The following CRACD variants were observed in gnomAD, a reference collection of about 807,000 sequenced individuals.
CRACD encodes the protein capping protein inhibiting regulator of actin dynamics.
In CRACD, 56 loss-of-function variants were observed where a neutral mutation model predicts 106.8. The ratio of observed to expected loss-of-function variants is 0.52; its 90% confidence interval spans 0.42 to 0.66. The LOEUF (loss-of-function observed/expected upper bound fraction) is 0.66. Among genes scored for constraint, CRACD ranks in the 30% least tolerant of loss-of-function variants. The pLI is 0.00. For synonymous variants in CRACD, 754 were observed against 670.8 expected, an observed-to-expected ratio of 1.12 and a Z score of -1.92; for missense variants, 1,730 against 1,623.2, an observed-to-expected ratio of 1.07 and a Z score of -1.13.
At chr4:56,180,656 A>G (rs1227374466) in intron 2 of CRACD, among the ~76,000 whole-genome samples, 1 of 152,220 alleles carries the variant, frequency 6.6e-6, no homozygotes, top group Non-Finnish European at 1.5e-5. Context: ...CTACCTATCA[A>G]CAGTGACCTA....
chr4:56,327,988 C>T lies in CRACD; in HGVS notation c.*184C>T, dbSNP rs1050875006. 1 of 560,712 alleles carries T rather than the reference C, an allele frequency of 1.8e-6. No homozygotes were observed. The highest frequency in any genetic ancestry group is 3.3e-5 in the Admixed American group (1 of 30,266). 34.7% of individuals were successfully genotyped at this position (560,712 alleles called of 1,614,324 possible). On this transcript the variant is annotated 3_prime_UTR_variant, in exon 11 of 11. Transcript: ENST00000682029. ...TTGTAAAGAGTGGATTTGCACAACCCTAGGTCCTGGTGCCTCGAGCTCCTC... is the reference window on the plus strand; with the variant it reads ...TTGTAAAGAGTGGATTTGCACAACCTTAGGTCCTGGTGCCTCGAGCTCCTC...
intron 2 of CRACD, among the ~76,000 whole-genome samples, chr4:56,254,807 TAA>T (rs11289075): frequency 2.7e-5 from 4 of 147,840 alleles, no homozygotes; most frequent in Non-Finnish European, 1.5e-5. Context: ...CCCCTAGCTT[TAA>T]AAAAAAAAAG....
rs549917149 is a variant in CRACD at position 56,082,718 on chromosome 4, G to T, written c.-336+33419G>T. Among the ~76,000 whole-genome samples, 22 of 152,268 alleles carry T rather than the reference G, an allele frequency of 1.4e-4. No individual in the cohort carries two copies. The South Asian group carries it at 4.4e-3, about 30-fold the overall frequency. On this transcript the variant is annotated intron_variant, in intron 1 of 10. Coordinates refer to ENST00000682029, the MANE Select transcript of CRACD (RefSeq NM_001393381.1). ...TAGAGAAAAGGAGCCAAGAATTTCA[G>T]TTATAGAGCTGGGACTAGATGTGGC...
At chr4:56,184,152 C>CA (rs1736983481) in intron 2 of CRACD, among the ~76,000 whole-genome samples, 1 of 152,090 alleles carries the variant, frequency 6.6e-6, no homozygotes, top group Admixed American at 6.5e-5. Flanking sequence ...CTCACGGCAA[C>CA]CCCCGCCTCC....
intron 1 of CRACD, among the ~76,000 whole-genome samples, chr4:56,129,220 C>T (rs180726733): frequency 2.0e-5 from 3 of 152,096 alleles, no homozygotes; most frequent in Non-Finnish European, 2.9e-5. Context: ...GGACTACAGG[C>T]GCATGCCTGG....
intron 2 of CRACD, among the ~76,000 whole-genome samples, chr4:56,186,036 G>T (rs974505296): frequency 6.6e-6 from 1 of 152,156 alleles, no homozygotes; most frequent in Non-Finnish European, 1.5e-5. Flanking sequence ...AGGCTGCTCC[G>T]GGAGGGCTCT....
chr4:56,308,611 G>A (rs926404050), intron 5 of CRACD, among the ~76,000 whole-genome samples: 3 of 152,216 alleles, frequency 2.0e-5, no homozygotes, highest in Non-Finnish European at 2.9e-5. Flanking sequence ...TGTCATGAGA[G>A]TAGTGAGAAA....
At chr4:56,096,339 G>A (rs1380614801) in intron 1 of CRACD, among the ~76,000 whole-genome samples, 2 of 152,130 alleles carry the variant, frequency 1.3e-5, no homozygotes, top group East Asian at 1.9e-4. Context: ...GATATGAAGA[G>A]GAATCAGCCT....
intron 2 of CRACD, among the ~76,000 whole-genome samples, chr4:56,180,612 G>A (rs1256009429): frequency 6.6e-6 from 1 of 152,158 alleles, no homozygotes; most frequent in African/African-American, 2.4e-5. Flanking sequence ...AGAGATGGAA[G>A]TTAAATATGA....
At chr4:56,306,420 G>A (rs7693930) in intron 4 of CRACD, among the ~76,000 whole-genome samples, 1 of 151,828 alleles carries the variant, frequency 6.6e-6, no homozygotes, top group Non-Finnish European at 1.5e-5. Flanking sequence ...CCTGAGCATG[G>A]GAGAATCATC....
chr4:56,258,414 A>G (rs142296992), intron 2 of CRACD, among the ~76,000 whole-genome samples: 19 of 152,308 alleles, frequency 1.2e-4, no homozygotes, highest in African/African-American at 4.6e-4. Flanking sequence ...GCTTGGCCAC[A>G]TGTTCTCAGC....
intron 10 of CRACD, among the ~76,000 whole-genome samples, chr4:56,326,327 C>A (rs1746448676): frequency 6.6e-6 from 1 of 152,034 alleles, no homozygotes; most frequent in Non-Finnish European, 1.5e-5. Flanking sequence ...CCTGTTAGAA[C>A]CAGAAAGAGA....
intron 3 of CRACD, among the ~76,000 whole-genome samples, chr4:56,285,465 T>C (rs1743282230): frequency 6.6e-6 from 1 of 151,724 alleles, no homozygotes; most frequent in South Asian, 2.1e-4. Flanking sequence ...TAAGAGACAA[T>C]GTCTTGCTCT....
intron 3 of CRACD, among the ~76,000 whole-genome samples, chr4:56,277,632 C>A (rs1742752123): frequency 6.6e-6 from 1 of 152,086 alleles, no homozygotes; most frequent in Non-Finnish European, 1.5e-5. Flanking sequence ...ACACTGTATT[C>A]TACAGTACTA....
chr4:56,173,049 C>A (rs939188603), intron 1 of CRACD, among the ~76,000 whole-genome samples: 4 of 152,234 alleles, frequency 2.6e-5, no homozygotes, highest in Admixed American at 2.6e-4. Flanking sequence ...AGCCACCGCA[C>A]CCGGCCAACA....
Position 56,316,297 on chromosome 4 carries a change from C to T in CRACD, c.2795C>T (p.Ala932Val), listed in dbSNP as rs1258286512. Reference protein sequence around the residue: ...EPSSSRSVPVAHPGPPPASSQ... With the variant: ...EPSSSRSVPVVHPGPPPASSQ... ...TCCAGCAGCCGCTCTGTTCCTGTGG[C>T]CCACCCTGGGCCTCCACCGGCCAGC... The change falls in exon 8 of 11, where the codon GCC becomes GTC. Residue 932 changes from alanine to valine, a missense_variant. Physicochemically the swap from Ala to Val is moderately conservative, Grantham distance 64. Coordinates refer to ENST00000682029, the MANE Select transcript of CRACD (RefSeq NM_001393381.1). 1 of 1,613,870 alleles carries T rather than the reference C, an allele frequency of 6.2e-7. No individual in the cohort carries two copies. The highest frequency in any genetic ancestry group is 2.2e-5 in the East Asian group (1 of 44,884).
chr4:56,220,237 A>T (rs1560488738), intron 2 of CRACD, among the ~76,000 whole-genome samples: 1 of 152,350 alleles, frequency 6.6e-6, no homozygotes, highest in East Asian at 1.9e-4. Flanking sequence ...TCCTAAACAC[A>T]GAAGAAAAAA....
Position 56,307,528 on chromosome 4 carries a change from T to C in CRACD, c.121-7T>C. On this transcript the variant is annotated splice_region_variant and splice_polypyrimidine_tract_variant and intron_variant, in intron 4 of 10. Coordinates refer to ENST00000682029, the MANE Select transcript of CRACD (RefSeq NM_001393381.1). ...CTTCAGAATGTCTTTCTTCTGTTTC[T>C]CTCCAGCAACAGTTGGGCAAGAATA... 1 of 1,613,966 alleles carries C rather than the reference T, an allele frequency of 6.2e-7. No homozygotes were observed. Among genetic ancestry groups the C allele is most frequent in the African/African-American group, 1.3e-5 (1 of 75,036 alleles).
chr4:56,326,181 G>T (rs1182966534), intron 10 of CRACD, among the ~76,000 whole-genome samples: 1 of 152,122 alleles, frequency 6.6e-6, no homozygotes. Context: ...CAAAGTGCTG[G>T]GATTAAAGGC....
Sources: gnomAD v4.1 joint callset for allele counts (sites outside exome capture counted in the v4.1 genomes callset) on GRCh38, gnomAD v4.1.1 for gene constraint, MANE v1.5 for transcripts, NCBI Gene and HGNC (gene_info 2026-07-23, HGNC 2026-07-21) for gene names.